The following PTGR3 variants were observed in gnomAD, a reference collection of about 807,000 sequenced individuals.
The protein encoded by PTGR3 is prostaglandin reductase 3, also known as zinc binding alcohol dehydrogenase domain containing 2.
chr18:75,201,561 C>T, the PTGR3 span: 9 of 1,614,082 alleles, frequency 5.6e-6, no homozygotes, highest in East Asian at 2.2e-5. Flanking sequence ...GTCCACCTCA[C>T]AAACCAGGTC....
the PTGR3 span, chr18:75,199,375 A>G: frequency 6.6e-6 from 1 of 152,502 alleles, no homozygotes; most frequent in East Asian, 1.9e-4. Flanking sequence ...GGGAGAAAGT[A>G]CATTACTGCT....
chr18:75,197,425 A>AG, the PTGR3 span: 2 of 152,228 alleles, frequency 1.3e-5, no homozygotes, highest in Non-Finnish European at 2.9e-5. Context: ...AATTAAAAAT[A>AG]GAAAAAAAAT....
At chr18:75,202,461 G>A in the PTGR3 span, 2 of 809,920 alleles carry the variant, frequency 2.5e-6, no homozygotes, top group Non-Finnish European at 3.8e-6. Context: ...TATACAATCT[G>A]ATCGAATTTG....
the PTGR3 span, chr18:75,197,863 C>A: frequency 6.6e-6 from 1 of 152,134 alleles, no homozygotes; most frequent in Non-Finnish European, 1.5e-5. Context: ...TGTTTAACAC[C>A]TAGGAAATTA....
At chr18:75,204,583 C>A in the PTGR3 span, among the ~76,000 whole-genome samples, 7 of 152,222 alleles carry the variant, frequency 4.6e-5, 1 homozygote, top group Admixed American at 4.6e-4. Context: ...CTCCCTCTCC[C>A]TCAGAAGTGC....
the PTGR3 span, chr18:75,208,420 C>T: frequency 4.0e-6 from 4 of 991,602 alleles, no homozygotes; most frequent in Admixed American, 6.1e-5. Flanking sequence ...GCACGTTTAC[C>T]TAAACGTCGC....
the PTGR3 span, among the ~76,000 whole-genome samples, chr18:75,206,522 A>G: frequency 6.6e-6 from 1 of 152,228 alleles, no homozygotes; most frequent in Admixed American, 6.5e-5. Context: ...GCAGTGAATT[A>G]TTAAGCCTCT....
the PTGR3 span, chr18:75,198,073 C>G: frequency 2.0e-5 from 3 of 152,170 alleles, no homozygotes; most frequent in African/African-American, 7.2e-5. Flanking sequence ...TAAATTCATG[C>G]TAATTGAGAA....
At chr18:75,197,987 C>G in the PTGR3 span, 1 of 152,172 alleles carries the variant, frequency 6.6e-6, no homozygotes, top group Non-Finnish European at 1.5e-5. Context: ...CATATGTCCA[C>G]ATGGTAAAGT....
At chr18:75,197,550 C>A in the PTGR3 span, 85,143 of 152,008 alleles carry the variant, frequency 0.56, 24,097 homozygotes, top group Middle Eastern at 0.66. Context: ...CTGATAATCC[C>A]GCTTAAAGTG....
the PTGR3 span, chr18:75,201,524 C>T: frequency 1.9e-6 from 3 of 1,614,174 alleles, no homozygotes; most frequent in South Asian, 2.2e-5. Flanking sequence ...GGCCAGTAAA[C>T]CTGCCCTCTG....
the PTGR3 span, chr18:75,202,305 G>A: frequency 1.1e-5 from 18 of 1,613,596 alleles, no homozygotes; most frequent in East Asian, 3.3e-4. Context: ...GCGGCCTGCT[G>A]AATAGTTGAT....
At chr18:75,203,613 ACGCCAG>A in the PTGR3 span, among the ~76,000 whole-genome samples, 1 of 152,292 alleles carries the variant, frequency 6.6e-6, no homozygotes, top group Admixed American at 6.5e-5. Context: ...CTGCATTCAG[ACGCCAG>A]CACACCACAC....
the PTGR3 span, chr18:75,208,897 G>A: frequency 4.5e-6 from 7 of 1,566,612 alleles, no homozygotes; most frequent in Non-Finnish European, 5.2e-6. Flanking sequence ...GCACCGGGCA[G>A]TCCCGGCTCA....
the PTGR3 span, among the ~76,000 whole-genome samples, chr18:75,202,715 C>T: frequency 6.6e-6 from 1 of 150,644 alleles, no homozygotes; most frequent in African/African-American, 2.4e-5. Flanking sequence ...TCAGGAAATC[C>T]TCATTATATA....
chr18:75,201,829 C>T, the PTGR3 span: 8 of 1,614,068 alleles, frequency 5.0e-6, no homozygotes, highest in African/African-American at 9.3e-5. Flanking sequence ...ACCACATCGA[C>T]ACCTTCAGGG....
At chr18:75,198,199 T>C in the PTGR3 span, 1 of 152,176 alleles carries the variant, frequency 6.6e-6, no homozygotes, top group Non-Finnish European at 1.5e-5. Flanking sequence ...GGCAGGCATG[T>C]GTCTTAAATG....
chr18:75,198,859 A>G, the PTGR3 span: 1 of 152,562 alleles, frequency 6.6e-6, no homozygotes, highest in Non-Finnish European at 1.5e-5. Flanking sequence ...TGTGATATGT[A>G]TTACAGTTCA....
the PTGR3 span, chr18:75,201,827 G>A: frequency 1.2e-6 from 2 of 1,614,086 alleles, no homozygotes; most frequent in Non-Finnish European, 1.7e-6. Context: ...AGACCACATC[G>A]ACACCTTCAG....
Sources: allele counts gnomAD v4.1 joint callset (sites outside exome capture counted in the v4.1 genomes callset), GRCh38; gene constraint gnomAD v4.1.1; transcripts MANE v1.5; gene names NCBI Gene and HGNC (gene_info 2026-07-23, HGNC 2026-07-21).